Variants in GABRB2 observed in about 807,000 individuals in gnomAD.
GABRB2 encodes gamma-aminobutyric acid receptor subunit beta-2.
GABRB2 carries 16 observed loss-of-function variants against 54.7 expected under a neutral mutation model. The ratio of observed to expected loss-of-function variants is 0.29; its 90% CI spans 0.20 to 0.44. The LOEUF is 0.44. Ranked by LOEUF, GABRB2 falls within the 20% of genes least tolerant of loss-of-function variation. GABRB2 has a pLI of 1.00. For synonymous variants in GABRB2, 244 were observed against 233.8 expected (o/e 1.04, Z -0.40); for missense variants, 355 against 644.0 (o/e 0.55, Z 4.86).
At chr5:161,305,354 A>C (rs989015242) in intron 9 of GABRB2, among the ~76,000 whole-genome samples, 13 of 152,226 alleles carry the variant, frequency 8.5e-5, no homozygotes, top group African/African-American at 2.7e-4. Context: ...TCATTCAAAG[A>C]AGGCATTGGC....
Position 161,414,734 on chromosome 5 carries a change from AATT to A in GABRB2, c.459-3680_459-3678del, listed in dbSNP as rs929935081. Among the ~76,000 whole-genome samples, 8 of 151,358 alleles carry A rather than the reference AATT, an allele frequency of 5.3e-5. No individual in the cohort carries two copies. The East Asian group carries it at 9.6e-4, about 18-fold the overall frequency. ...CTACCAACCCCAAATAAAAAATATT[AATT>A]ATTATTATAATAATAAAACAAATAT... On this transcript the variant is annotated intron_variant, in intron 4 of 9. Transcript: ENST00000393959.
chr5:161,374,208 T>A (rs1755218143), intron 5 of GABRB2, among the ~76,000 whole-genome samples: 1 of 152,124 alleles, frequency 6.6e-6, no homozygotes, highest in Non-Finnish European at 1.5e-5. Flanking sequence ...CCTCCCAAAG[T>A]GCTGGGATTA....
chr5:161,467,821 G>A (rs1019258734), intron 3 of GABRB2, among the ~76,000 whole-genome samples: 3 of 152,068 alleles, frequency 2.0e-5, no homozygotes, highest in Non-Finnish European at 4.4e-5. Flanking sequence ...GGCTGTGAGA[G>A]TAAAGATTCC....
intron 3 of GABRB2, among the ~76,000 whole-genome samples, chr5:161,494,825 C>A (rs1358059751): frequency 6.6e-6 from 1 of 151,750 alleles, no homozygotes; most frequent in Non-Finnish European, 1.5e-5. Context: ...AAGTTCAGAT[C>A]AGTAAGGAAG....
At chr5:161,299,514 A>G (rs1295684319) in intron 9 of GABRB2, among the ~76,000 whole-genome samples, 1 of 152,202 alleles carries the variant, frequency 6.6e-6, no homozygotes, top group Admixed American at 6.5e-5. Context: ...CAACACTAAA[A>G]TGAAGAGTCT....
At chr5:161,493,351 C>T (rs1429198065) in intron 3 of GABRB2, among the ~76,000 whole-genome samples, 1 of 151,512 alleles carries the variant, frequency 6.6e-6, no homozygotes, top group Non-Finnish European at 1.5e-5. Context: ...CACCTCCAAC[C>T]CCCCGCAACA....
At chr5:161,367,189 C>A (rs1006980841) in intron 5 of GABRB2, among the ~76,000 whole-genome samples, 5 of 152,128 alleles carry the variant, frequency 3.3e-5, no homozygotes, top group Non-Finnish European at 5.9e-5. Flanking sequence ...GTTTCAAATT[C>A]TATTCTTTGA....
At position 161,336,708 on chromosome 5, in the gene GABRB2, T is replaced by C. The variant is rs776121129; in HGVS notation, c.603A>G (p.Gly201=). Residue 201 remains glycine (G), a synonymous_variant, in exon 6 of 10, where the codon GGA becomes GGG. Coordinates refer to ENST00000393959, the MANE Select transcript of GABRB2 (RefSeq NM_001371727.1). ...ACTGTGGAAGTTCAATTTTCGTTAC[T>C]CCTGTTACTGCATTATCATCGCCAC... ...YWRGDDNAVT[G]VTKIELPQFS... 1 of 1,613,250 alleles carries C rather than the reference T, an allele frequency of 6.2e-7. No homozygotes were observed. Among genetic ancestry groups the C allele is most frequent in the Non-Finnish European group, 8.5e-7 (1 of 1,179,690 alleles).
chr5:161,356,907 A>T (rs1209420977), intron 5 of GABRB2, among the ~76,000 whole-genome samples: 1 of 152,210 alleles, frequency 6.6e-6, no homozygotes, highest in Non-Finnish European at 1.5e-5. Context: ...GTTCCTATTC[A>T]ATACATATTT....
chr5:161,349,019 T>C (rs1221180606), intron 5 of GABRB2, among the ~76,000 whole-genome samples: 3 of 152,102 alleles, frequency 2.0e-5, no homozygotes, highest in African/African-American at 4.8e-5. Flanking sequence ...TAAATATCTA[T>C]GCAAATTAAT....
chr5:161,431,322 G>A (rs1458934919), intron 4 of GABRB2, among the ~76,000 whole-genome samples: 1 of 152,070 alleles, frequency 6.6e-6, no homozygotes, highest in African/African-American at 2.4e-5. Flanking sequence ...AATACTCTGA[G>A]TGAGGTCAGG....
At chr5:161,478,195 T>A (rs1758652959) in intron 3 of GABRB2, among the ~76,000 whole-genome samples, 1 of 151,974 alleles carries the variant, frequency 6.6e-6, no homozygotes. Context: ...TTGTTCAAAG[T>A]GATCAGGAAA....
chr5:161,300,351 T>G (rs1757501770), intron 9 of GABRB2, among the ~76,000 whole-genome samples: 1 of 152,180 alleles, frequency 6.6e-6, no homozygotes, highest in Non-Finnish European at 1.5e-5. Flanking sequence ...TATTTTTAAT[T>G]TTTACTTTTT....
At chr5:161,436,091 C>T (rs1757298343) in intron 4 of GABRB2, among the ~76,000 whole-genome samples, 1 of 152,158 alleles carries the variant, frequency 6.6e-6, no homozygotes, top group African/African-American at 2.4e-5. Context: ...TACCATTGCC[C>T]TCTGTGTGAC....
intron 9 of GABRB2, among the ~76,000 whole-genome samples, chr5:161,301,388 A>G (rs1359692568): frequency 6.6e-6 from 1 of 152,084 alleles, no homozygotes; most frequent in Non-Finnish European, 1.5e-5. Flanking sequence ...TGAGCAGTGC[A>G]GACACAAGAG....
intron 4 of GABRB2, among the ~76,000 whole-genome samples, chr5:161,424,399 C>T (rs890603872): frequency 6.6e-6 from 1 of 152,062 alleles, no homozygotes; most frequent in African/African-American, 2.4e-5. Flanking sequence ...CAGGTGGTGA[C>T]TTTAAGTTGA....
intron 3 of GABRB2, among the ~76,000 whole-genome samples, chr5:161,538,286 A>G (rs748333103): frequency 1.3e-5 from 2 of 152,218 alleles, no homozygotes; most frequent in African/African-American, 2.4e-5. Context: ...ACTGGGAGAG[A>G]CACCATAACC....
chr5:161,507,599 T>C (rs1434264240), intron 3 of GABRB2, among the ~76,000 whole-genome samples: 1 of 152,022 alleles, frequency 6.6e-6, no homozygotes, highest in African/African-American at 2.4e-5. Flanking sequence ...CACATGCATA[T>C]ATGTCTTGTA....
intron 3 of GABRB2, among the ~76,000 whole-genome samples, chr5:161,485,816 A>C (rs1561667598): frequency 6.6e-6 from 1 of 151,914 alleles, no homozygotes; most frequent in African/African-American, 2.4e-5. Context: ...TTGGAAAAAA[A>C]TAATCTGTTT....
Sources: gnomAD v4.1 joint callset for allele counts (sites outside exome capture counted in the v4.1 genomes callset) on GRCh38, gnomAD v4.1.1 for gene constraint, MANE v1.5 for transcripts, NCBI Gene and HGNC (gene_info 2026-07-23, HGNC 2026-07-21) for gene names.